Variants in NTN1 observed in about 807,000 individuals in gnomAD.
NTN1 encodes netrin 1.
A neutral mutation model predicts 54.2 loss-of-function variants in NTN1; 11 were observed. The observed-to-expected ratio is 0.20, with a 90% CI of 0.13 to 0.34. NTN1 has a LOEUF of 0.34. Ranked by LOEUF, NTN1 falls within the 10% of genes least tolerant of loss-of-function variation. The pLI, the probability that NTN1 is intolerant of heterozygous loss-of-function variation, is 1.00. For missense variants in NTN1, 740 were observed against 893.1 expected, an observed-to-expected ratio of 0.83 and a Z score of 2.18; for synonymous variants, 371 against 382.0, an observed-to-expected ratio of 0.97 and a Z score of 0.33.
intron 2 of NTN1, among the ~76,000 whole-genome samples, chr17:9,157,308 A>G (rs2092345701): frequency 6.6e-6 from 1 of 151,516 alleles, no homozygotes; most frequent in Non-Finnish European, 1.5e-5. Context: ...TGTATCTCAC[A>G]TAGCCTGTAG....
upstream of NTN1, among the ~76,000 whole-genome samples, chr17:9,017,686 A>T (rs2091834752): frequency 6.6e-6 from 1 of 152,068 alleles, no homozygotes; most frequent in African/African-American, 2.4e-5. Flanking sequence ...CTCACCCAAA[A>T]TCTGCACTGT....
chr17:9,064,693 G>T (rs1169423514), intron 2 of NTN1, among the ~76,000 whole-genome samples: 1 of 152,150 alleles, frequency 6.6e-6, no homozygotes, highest in East Asian at 1.9e-4. Flanking sequence ...CCCCTGGATG[G>T]CTCTGGTAGT....
At chr17:9,017,808 A>G (rs2091835013), upstream of NTN1, among the ~76,000 whole-genome samples, 1 of 152,146 alleles carries the variant, frequency 6.6e-6, no homozygotes, top group Non-Finnish European at 1.5e-5. Context: ...ACACTTGGAC[A>G]TCTGTTTTTT....
chr17:9,077,468 C>T (rs543991150), intron 2 of NTN1, among the ~76,000 whole-genome samples: 64 of 152,322 alleles, frequency 4.2e-4, no homozygotes, highest in South Asian at 1.0e-3. Context: ...CACTCTGAAC[C>T]ATTCATGTCG....
chr17:9,058,012 C>A (rs187445539), intron 2 of NTN1, among the ~76,000 whole-genome samples: 1 of 152,164 alleles, frequency 6.6e-6, no homozygotes, highest in Non-Finnish European at 1.5e-5. Context: ...CTCAGCCTCC[C>A]GAGTAGCTGG....
intron 6 of NTN1, among the ~76,000 whole-genome samples, chr17:9,228,549 AAG>A (rs1483739286): frequency 9.9e-5 from 15 of 152,170 alleles, no homozygotes; most frequent in African/African-American, 1.4e-4. Flanking sequence ...GGGACTCAGA[AAG>A]AGGGGGAGAC....
At chr17:9,040,625 G>T (rs1414254579) in intron 2 of NTN1, among the ~76,000 whole-genome samples, 1 of 152,018 alleles carries the variant, frequency 6.6e-6, no homozygotes, top group Non-Finnish European at 1.5e-5. Flanking sequence ...CAAAGTAATG[G>T]TATATATAAT....
At position 9,219,538 on chromosome 17, in the gene NTN1, T is replaced by C. The variant is rs1350628219; in HGVS notation, c.1412-1630T>C. On this transcript the variant is annotated intron_variant, in intron 5 of 6. Transcript: ENST00000173229. The surrounding 1 kb of genome is among the most constrained non-coding windows in gnomAD (Gnocchi z 4.5). ...GCTACCACACCCATGGCCCCCAAGG[T>C]AGTGGGATAGAGCTGCATTGATCTT... 6.6e-6 allele frequency among the ~76,000 whole-genome samples: 1 copy of C among 152,098 alleles called. No individual in the cohort carries two copies.
At chr17:9,142,657 C>G (rs1298384910) in intron 2 of NTN1, among the ~76,000 whole-genome samples, 1 of 152,054 alleles carries the variant, frequency 6.6e-6, no homozygotes, top group Non-Finnish European at 1.5e-5. Flanking sequence ...CATTCATGGA[C>G]TTAATAGATA....
rs2142384066 is a variant in NTN1, at chr17:9,243,140, A to G, written c.*3172A>G. 6.6e-6 allele frequency: 1 copy of G among 152,314 alleles called. No homozygotes were observed. The highest frequency in any genetic ancestry group is 1.9e-4 in the East Asian group (1 of 5,174). The allele number at this position is 152,314 out of a possible 1,614,324, so 9.4% of individuals were successfully genotyped here. The stretch of plus-strand genomic sequence containing the variant: ...ATGCCGAAGATTTGCGGGGGAGGAC[A>G]TAGGGCTGTCCCCGGGATTCACCTG... On this transcript the variant is annotated 3_prime_UTR_variant, in exon 7 of 7. Coordinates refer to ENST00000173229, the MANE Select transcript of NTN1 (RefSeq NM_004822.3).
chr17:9,026,841 A>T (rs1311866461), intron 2 of NTN1, among the ~76,000 whole-genome samples: 1 of 152,114 alleles, frequency 6.6e-6, no homozygotes, highest in East Asian at 1.9e-4. Flanking sequence ...GGCTTGTGAC[A>T]GGTCGAGCTT....
chr17:9,221,793 G>A lies in NTN1; in HGVS notation c.1486+551G>A, dbSNP rs1905366878. On this transcript the variant is annotated intron_variant, in intron 6 of 6. Transcript: ENST00000173229. The surrounding 1 kb of genome is among the most constrained non-coding windows in gnomAD (Gnocchi z 4.5). ...CAGACAGTCCTGGGGGCCACCTGCA[G>A]AGATTGCTTGTCACCTGTGACCTCA... 6.6e-6 allele frequency among the ~76,000 whole-genome samples: 1 copy of A among 152,154 alleles called. No individual in the cohort carries two copies. The highest frequency in any genetic ancestry group is 6.5e-5 in the Admixed American group (1 of 15,288).
chr17:9,096,463 C>T (rs913847380), intron 2 of NTN1, among the ~76,000 whole-genome samples: 30 of 145,938 alleles, frequency 2.1e-4, no homozygotes, highest in Non-Finnish European at 3.6e-4. Flanking sequence ...CTCTGCCTCC[C>T]GGGTTCACGC....
At chr17:9,220,738 G>GCC (rs1212510714) in intron 5 of NTN1, among the ~76,000 whole-genome samples, 1 of 152,102 alleles carries the variant, frequency 6.6e-6, no homozygotes, top group East Asian at 1.9e-4. Flanking sequence ...CCTGACCCCA[G>GCC]CCAGAGGCTC....
At chr17:9,007,348 TTTCTC>T in the NTN1 span, among the ~76,000 whole-genome samples, 1 of 150,476 alleles carries the variant, frequency 6.6e-6, no homozygotes, top group Non-Finnish European at 1.5e-5. Context: ...TTTCTTTCTC[TTTCTC>T]TCTCTCTTTT....
intron 5 of NTN1, among the ~76,000 whole-genome samples, chr17:9,206,481 G>C (rs965022251): frequency 6.6e-5 from 10 of 152,106 alleles, no homozygotes; most frequent in Admixed American, 5.2e-4. Flanking sequence ...GCCCTCGGGG[G>C]GAGGGGGCTG....
At chr17:9,091,762 A>G (rs1297593568) in intron 2 of NTN1, among the ~76,000 whole-genome samples, 5 of 151,352 alleles carry the variant, frequency 3.3e-5, no homozygotes. Flanking sequence ...CCGTTTAGCC[A>G]CTTTTATGTG....
chr17:9,153,872 G>A lies in NTN1; in HGVS notation c.1019-8941G>A, dbSNP rs146054474. Among the ~76,000 whole-genome samples the A allele has an allele frequency of 6.8e-4, 103 of 152,304 alleles. 1 individual carries two copies. The highest frequency in any genetic ancestry group is 3.4e-3 in the Middle Eastern group (1 of 294). Reference sequence around the variant, plus strand: ...ACCTCGCCTGGCTCTCATGCCCTGCGTGGACTGACTCTACCTGTTGACTCT... The same window carrying A: ...ACCTCGCCTGGCTCTCATGCCCTGCATGGACTGACTCTACCTGTTGACTCT... On this transcript the variant is annotated intron_variant, in intron 2 of 6. Transcript: ENST00000173229.
At chr17:9,068,449 C>T (rs904346820) in intron 2 of NTN1, among the ~76,000 whole-genome samples, 8 of 151,638 alleles carry the variant, frequency 5.3e-5, no homozygotes, top group South Asian at 4.2e-4. Context: ...CCCCCCAAAG[C>T]GCTGGGATTA....
Sources: allele counts gnomAD v4.1 joint callset (sites outside exome capture counted in the v4.1 genomes callset), GRCh38; gene constraint gnomAD v4.1.1; non-coding constraint Gnocchi (gnomAD v3.1); transcripts MANE v1.5; gene names NCBI Gene and HGNC (gene_info 2026-07-23, HGNC 2026-07-21).